The following GRM7 variants were observed in gnomAD, a reference collection of about 807,000 sequenced individuals.
GRM7 encodes glutamate metabotropic receptor 7.
In GRM7, 35 loss-of-function variants were observed where a neutral mutation model predicts 84.5. The observed-to-expected ratio is 0.41, with a 90% CI of 0.32 to 0.55. The LOEUF is 0.55. GRM7 is among the 20% of genes least tolerant of loss of function. GRM7 has a pLI of 0.19. For missense variants in GRM7, 1,003 were observed against 1,194.6 expected (o/e 0.84, Z 2.36); for synonymous variants, 487 against 455.1 (o/e 1.07, Z -0.89).
At chr3:7,064,272 A>G (rs948707764) in intron 1 of GRM7, among the ~76,000 whole-genome samples, 2 of 149,964 alleles carry the variant, frequency 1.3e-5, no homozygotes, top group Non-Finnish European at 3.0e-5. Context: ...AGTCCATTGT[A>G]TTATTCTTAT....
At chr3:7,421,916 T>TAAAAAAAAAAA (rs773501237) in intron 5 of GRM7, among the ~76,000 whole-genome samples, 1 of 78,808 alleles carries the variant, frequency 1.3e-5, no homozygotes, top group African/African-American at 4.5e-5. Flanking sequence ...CTACAAACAG[T>TAAAAAAAAAAA]AAAAAAAAAA....
At chr3:7,346,772 T>C (rs1692913179) in intron 4 of GRM7, among the ~76,000 whole-genome samples, 1 of 152,186 alleles carries the variant, frequency 6.6e-6, no homozygotes, top group Non-Finnish European at 1.5e-5. Context: ...CAATTCTTTG[T>C]GATCTCATCA....
At chr3:6,872,146 G>T (rs1695142842) in intron 1 of GRM7, among the ~76,000 whole-genome samples, 1 of 152,144 alleles carries the variant, frequency 6.6e-6, no homozygotes. Context: ...TATGCCTACT[G>T]GGACCACAAT....
chr3:6,945,159 C>G (rs1465984713), intron 1 of GRM7, among the ~76,000 whole-genome samples: 2 of 151,756 alleles, frequency 1.3e-5, no homozygotes, highest in Non-Finnish European at 2.9e-5. Flanking sequence ...TGTGATGCAC[C>G]CATTAACTCG....
At position 6,940,476 on chromosome 3, in the gene GRM7, T is replaced by A. The variant is rs189650592; in HGVS notation, c.519+78569T>A. Among the ~76,000 whole-genome samples the A allele has an allele frequency of 5.3e-5, 8 of 152,328 alleles. No homozygotes were observed. The East Asian group carries it at 1.5e-3, about 29-fold the overall frequency. The stretch of plus-strand genomic sequence containing the variant: ...CTTATGCTTTAACTCACACCTATAA[T>A]TCTGGTCAATATGCTTCAATAGTGC... On this transcript the variant is annotated intron_variant, in intron 1 of 9. Coordinates refer to ENST00000357716, the MANE Select transcript of GRM7 (RefSeq NM_000844.4).
chr3:7,455,166 C>T (rs1697952764), intron 6 of GRM7, among the ~76,000 whole-genome samples: 1 of 152,100 alleles, frequency 6.6e-6, no homozygotes, highest in Non-Finnish European at 1.5e-5. Context: ...TGAGTCCATA[C>T]TGATATCAGT....
At chr3:7,403,686 C>T (rs1559297614) in intron 4 of GRM7, among the ~76,000 whole-genome samples, 1 of 143,882 alleles carries the variant, frequency 7.0e-6, no homozygotes, top group East Asian at 2.0e-4. Flanking sequence ...TATATACACA[C>T]ATATATATGT....
chr3:7,123,909 A>G (rs1356906919), intron 1 of GRM7, among the ~76,000 whole-genome samples: 1 of 152,108 alleles, frequency 6.6e-6, no homozygotes, highest in Non-Finnish European at 1.5e-5. Flanking sequence ...GTTCAGTTGT[A>G]TTTTGAATAT....
In GRM7 at chr3:7,052,729, T is replaced by G. The variant is rs1446555121; in HGVS notation, c.520-93723T>G. Among the ~76,000 whole-genome samples the G allele has an allele frequency of 2.6e-5, 4 of 150,952 alleles. No homozygotes were observed. In the East Asian group the frequency reaches 5.8e-4, roughly 22 times the overall value. ...ATTGCAAGTATCGGTAGTTTTTTTT[T>G]TTTTTTTTGCATTGCCAGGTAGTAT... On this transcript the variant is annotated intron_variant, in intron 1 of 9. Coordinates refer to ENST00000357716, the MANE Select transcript of GRM7 (RefSeq NM_000844.4).
At chr3:7,540,991 G>C (rs954621701) in intron 7 of GRM7, among the ~76,000 whole-genome samples, 2 of 152,106 alleles carry the variant, frequency 1.3e-5, no homozygotes. Context: ...TGTTAATAAA[G>C]CTTGGAAACA....
intron 7 of GRM7, among the ~76,000 whole-genome samples, chr3:7,503,891 T>C (rs746376663): frequency 2.5e-4 from 38 of 152,274 alleles, no homozygotes; most frequent in Middle Eastern, 3.4e-3. Context: ...TGCTGCAACA[T>C]TGTTATAGCA....
chr3:7,467,051 A>G (rs17656831), intron 7 of GRM7, among the ~76,000 whole-genome samples: 28,732 of 152,092 alleles, frequency 0.19, 2,843 homozygotes, highest in South Asian at 0.38. Flanking sequence ...ATCTGCAGCC[A>G]TTAGTCCCTC....
At chr3:7,093,510 T>A (rs60871284) in intron 1 of GRM7, among the ~76,000 whole-genome samples, 15 of 150,576 alleles carry the variant, frequency 1.0e-4, no homozygotes, top group Non-Finnish European at 1.9e-4. Context: ...AAACCCCGTC[T>A]CTAATAAAAT....
chr3:7,077,765 T>C (rs201595445), intron 1 of GRM7, among the ~76,000 whole-genome samples: 1 of 152,136 alleles, frequency 6.6e-6, no homozygotes, highest in East Asian at 1.9e-4. Context: ...AAAATTGTGT[T>C]ATAAAAGTTG....
At chr3:6,878,802 C>G (rs2124958054) in intron 1 of GRM7, among the ~76,000 whole-genome samples, 1 of 152,298 alleles carries the variant, frequency 6.6e-6, no homozygotes, top group East Asian at 1.9e-4. Flanking sequence ...TGCCCTCAAA[C>G]TTAAGTCTGC....
chr3:7,106,504 A>C (rs1174335897), intron 1 of GRM7, among the ~76,000 whole-genome samples: 1 of 152,032 alleles, frequency 6.6e-6, no homozygotes, highest in Non-Finnish European at 1.5e-5. Flanking sequence ...AATTTTTAAG[A>C]AAACAGCTTC....
At chr3:7,658,068 C>T (rs1471336614) in intron 8 of GRM7, among the ~76,000 whole-genome samples, 1 of 152,062 alleles carries the variant, frequency 6.6e-6, no homozygotes, top group Non-Finnish European at 1.5e-5. Context: ...TGAATTATTC[C>T]CTCTTTAATT....
At chr3:7,461,782 G>A (rs1316105587) in intron 7 of GRM7, 60 bp downstream of exon 7, 2 of 1,492,948 alleles carry the variant, frequency 1.3e-6, no homozygotes, top group African/African-American at 2.8e-5. Context: ...CTTTTAATTT[G>A]CTCAGTTATA....
At chr3:7,563,568 G>A (rs143951509) in intron 7 of GRM7, among the ~76,000 whole-genome samples, 199 of 152,130 alleles carry the variant, frequency 1.3e-3, no homozygotes, top group African/African-American at 4.6e-3. Context: ...AGATAATGGC[G>A]GAAGAATTAG....
Sources: allele counts gnomAD v4.1 joint callset (sites outside exome capture counted in the v4.1 genomes callset), GRCh38; gene constraint gnomAD v4.1.1; transcripts MANE v1.5; gene names NCBI Gene and HGNC (gene_info 2026-07-23, HGNC 2026-07-21).